TMEM132D: variants seen among roughly 807,000 people sequenced by gnomAD.
The protein encoded by TMEM132D is transmembrane protein 132D.
A neutral mutation model predicts 62.3 loss-of-function variants in TMEM132D; 21 were observed. That is an observed-to-expected ratio of 0.34 (90% CI 0.24 to 0.49). The LOEUF is 0.49. Ranked by LOEUF, TMEM132D falls within the 20% of genes least tolerant of loss-of-function variation. TMEM132D has a pLI of 0.99. For missense variants in TMEM132D, 1,346 were observed against 1,402.8 expected, an observed-to-expected ratio of 0.96 and a Z score of 0.65; for synonymous variants, 621 against 575.6, an observed-to-expected ratio of 1.08 and a Z score of -1.13.
At chr12:129,480,519 A>G (rs1165179467) in intron 3 of TMEM132D, among the ~76,000 whole-genome samples, 1 of 152,170 alleles carries the variant, frequency 6.6e-6, no homozygotes, top group East Asian at 1.9e-4. Context: ...AAAATCATCA[A>G]AGTGCTCCGG....
intron 1 of TMEM132D, among the ~76,000 whole-genome samples, chr12:129,801,047 C>T (rs371410782): frequency 6.6e-6 from 1 of 152,238 alleles, no homozygotes; most frequent in East Asian, 1.9e-4. Context: ...ATATCCCGCA[C>T]CTGGCTCGGA....
chr12:129,405,699 C>G (rs928808964), intron 3 of TMEM132D, among the ~76,000 whole-genome samples: 1 of 152,080 alleles, frequency 6.6e-6, no homozygotes, highest in African/African-American at 2.4e-5. Flanking sequence ...CAGGATGACT[C>G]CTTCAAAGAC....
chr12:129,768,377 T>A (rs1260063668), intron 1 of TMEM132D, among the ~76,000 whole-genome samples: 3 of 152,082 alleles, frequency 2.0e-5, no homozygotes, highest in Non-Finnish European at 4.4e-5. Context: ...TCTCTTTTCT[T>A]GACAGTGGCC....
chr12:129,710,459 C>T (rs1881612960), intron 1 of TMEM132D, among the ~76,000 whole-genome samples: 1 of 152,004 alleles, frequency 6.6e-6, no homozygotes, highest in African/African-American at 2.4e-5. Flanking sequence ...CCACACCTGG[C>T]TAATTTTTTG....
chr12:129,121,041 C>T (rs1383593378), intron 5 of TMEM132D, among the ~76,000 whole-genome samples: 2 of 151,928 alleles, frequency 1.3e-5, no homozygotes, highest in Admixed American at 6.6e-5. Context: ...AGAAGTAAGG[C>T]TGCTGAGGGA....
intron 2 of TMEM132D, among the ~76,000 whole-genome samples, chr12:129,605,624 C>CACACACACATATATAT (rs1878603483): frequency 1.4e-4 from 9 of 66,618 alleles, no homozygotes; most frequent in African/African-American, 5.0e-4. Flanking sequence ...TATATATATA[C>CACACACACATATATAT]ACACACACAC....
chr12:129,461,343 C>G (rs558668761), intron 3 of TMEM132D, among the ~76,000 whole-genome samples: 1 of 152,174 alleles, frequency 6.6e-6, no homozygotes, highest in Admixed American at 6.5e-5. Flanking sequence ...TCAGGGGATG[C>G]AGATGGCAAA....
intron 1 of TMEM132D, among the ~76,000 whole-genome samples, chr12:129,828,215 G>C (rs1872712950): frequency 6.6e-6 from 1 of 152,132 alleles, no homozygotes; most frequent in African/African-American, 2.4e-5. Flanking sequence ...CAATGGCTCA[G>C]GAATTCATCT....
intron 3 of TMEM132D, among the ~76,000 whole-genome samples, chr12:129,446,922 G>A (rs181242331): frequency 2.0e-5 from 3 of 152,284 alleles, no homozygotes; most frequent in Non-Finnish European, 4.4e-5. Context: ...CTTCGGATAT[G>A]GAGCATAGTA....
intron 4 of TMEM132D, among the ~76,000 whole-genome samples, chr12:129,233,509 C>T (rs1879700666): frequency 6.6e-6 from 1 of 152,270 alleles, no homozygotes; most frequent in East Asian, 1.9e-4. Flanking sequence ...AACATGCTCC[C>T]TCGTATGTTG....
intron 3 of TMEM132D, among the ~76,000 whole-genome samples, chr12:129,367,430 C>T (rs1870451026): frequency 6.6e-6 from 1 of 152,128 alleles, no homozygotes; most frequent in Non-Finnish European, 1.5e-5. Flanking sequence ...GATGCATGTG[C>T]CTCAAATGCA....
chr12:129,656,843 GTATCTCA>G (rs1880097015), intron 2 of TMEM132D, among the ~76,000 whole-genome samples: 1 of 152,128 alleles, frequency 6.6e-6, no homozygotes, highest in Non-Finnish European at 1.5e-5. Flanking sequence ...GACAAGTTAA[GTATCTCA>G]TCTGATGTTA....
chr12:129,201,893 C>G (rs1399562474), intron 5 of TMEM132D, among the ~76,000 whole-genome samples: 1 of 152,022 alleles, frequency 6.6e-6, no homozygotes, highest in Non-Finnish European at 1.5e-5. Context: ...AATCATGTGA[C>G]AATTTTTTTT....
chr12:129,512,476 A>C (rs748680282), intron 3 of TMEM132D, among the ~76,000 whole-genome samples: 14 of 152,230 alleles, frequency 9.2e-5, no homozygotes, highest in Admixed American at 3.9e-4. Flanking sequence ...TGACAGAGAG[A>C]CATTGAACAT....
chr12:129,532,937 G>A (rs1308015558), intron 2 of TMEM132D, among the ~76,000 whole-genome samples: 1 of 152,174 alleles, frequency 6.6e-6, no homozygotes, highest in East Asian at 1.9e-4. Context: ...TTTTCCCTCT[G>A]CGGACCATGC....
At chr12:129,177,758 G>A (rs1208713456) in intron 5 of TMEM132D, among the ~76,000 whole-genome samples, 1 of 152,124 alleles carries the variant, frequency 6.6e-6, no homozygotes, top group African/African-American at 2.4e-5. Context: ...TAAGTTCCCT[G>A]ACTCTTAATT....
At chr12:129,805,493 A>G (rs1224850770) in intron 1 of TMEM132D, among the ~76,000 whole-genome samples, 1 of 152,208 alleles carries the variant, frequency 6.6e-6, no homozygotes, top group Non-Finnish European at 1.5e-5. Context: ...AGCCATATGT[A>G]GAAAGCTGAA....
At chr12:129,336,561 C>G (rs116476498) in intron 4 of TMEM132D, among the ~76,000 whole-genome samples, 3,976 of 151,492 alleles carry the variant, frequency 0.026, 194 homozygotes, top group African/African-American at 0.092. Flanking sequence ...AACAGACTGG[C>G]ACTCCGTCAA....
rs796388305 is a variant in TMEM132D at position 129,437,920 on chromosome 12, T to C, written c.1115+93139A>G. Among the ~76,000 whole-genome samples, 27 of 137,580 alleles carry C rather than the reference T, an allele frequency of 2.0e-4. 1 individual carries two copies. Among genetic ancestry groups the C allele is most frequent in the African/African-American group, 7.1e-4 (26 of 36,528 alleles). The allele number at this position is 137,580 out of a possible 152,430, so 90.3% of individuals were successfully genotyped here. A position where few individuals can be genotyped will look rare whatever the true frequency, so the allele number is the denominator to read the frequency against. ...CCTCCCCCCGACAGGCCCCAGTATG[T>C]GATGTTCCCCTCCATGTGTCCATGT... On this transcript the variant is annotated intron_variant, in intron 3 of 8. Coordinates refer to ENST00000422113, the MANE Select transcript of TMEM132D (RefSeq NM_133448.3).
Sources: gnomAD v4.1 joint callset for allele counts (sites outside exome capture counted in the v4.1 genomes callset) on GRCh38, gnomAD v4.1.1 for gene constraint, MANE v1.5 for transcripts, NCBI Gene and HGNC (gene_info 2026-07-23, HGNC 2026-07-21) for gene names.